The following ANKRD10 variants were observed in gnomAD, a reference collection of about 807,000 sequenced individuals.
The protein encoded by ANKRD10 is ankyrin repeat domain-containing protein 10.
ANKRD10 carries 14 observed loss-of-function variants against 27.0 expected under a neutral mutation model. That is an observed-to-expected ratio of 0.52 (90% CI 0.34 to 0.81). The LOEUF (loss-of-function observed/expected upper bound fraction) is 0.81. Ranked by LOEUF, ANKRD10 falls within the 40% of genes least tolerant of loss-of-function variation. ANKRD10 has a pLI of 0.01. For missense variants in ANKRD10, 493 were observed against 544.0 expected, an observed-to-expected ratio of 0.91 and a Z score of 0.93; for synonymous variants, 250 against 224.5, an observed-to-expected ratio of 1.11 and a Z score of -1.01.
chr13:110,897,321 G>A (rs2065254500), intron 3 of ANKRD10, among the ~76,000 whole-genome samples: 2 of 132,228 alleles, frequency 1.5e-5, no homozygotes, highest in Non-Finnish European at 1.6e-5. Context: ...TTAATTTTGA[G>A]AGATGTTGCT....
chr13:110,904,745 C>T (rs1302017308), intron 3 of ANKRD10, among the ~76,000 whole-genome samples: 1 of 152,164 alleles, frequency 6.6e-6, no homozygotes, highest in African/African-American at 2.4e-5. Context: ...TCTACATTAC[C>T]TTTAGTCACA....
intron 2 of ANKRD10, among the ~76,000 whole-genome samples, chr13:110,910,181 T>C (rs908142460): frequency 6.6e-6 from 1 of 152,234 alleles, no homozygotes; most frequent in East Asian, 1.9e-4. Context: ...TAGTAAATGA[T>C]ACTTAGCACT....
chr13:110,907,634 G>A (rs2065574554), intron 2 of ANKRD10, among the ~76,000 whole-genome samples: 1 of 152,180 alleles, frequency 6.6e-6, no homozygotes, highest in African/African-American at 2.4e-5. Flanking sequence ...ATAAAGCAAT[G>A]TAAAGTTCTA....
intron 3 of ANKRD10, chr13:110,903,688 A>G (rs557231030): frequency 6.5e-6 from 1 of 152,694 alleles, no homozygotes; most frequent in African/African-American, 2.4e-5. Context: ...AAAGCAAAGC[A>G]GGAATTAAGA....
In ANKRD10 at chr13:110,880,210, GTTTC is replaced by G. The variant is rs370233551; in HGVS notation, c.788-102_788-99del. ...GCCATTACAATTTTAAAGAATTTTA[GTTTC>G]TTTTTTTTCCTTTTAAACCAGTTCT... On this transcript the variant is annotated intron_variant, in intron 5 of 5. Transcript: ENST00000267339. The G allele has an allele frequency of 3.3e-4, 354 of 1,083,998 alleles. 1 individual carries two copies. The African/African-American group carries it at 5.0e-3, about 15-fold the overall frequency. 67.1% of individuals were successfully genotyped at this position (1,083,998 alleles called of 1,614,324 possible). A position where few individuals can be genotyped will look rare whatever the true frequency, so the allele number is the denominator to read the frequency against.
In ANKRD10 at chr13:110,879,945, A is replaced by G. The variant is rs2064779676; in HGVS notation, c.955T>C (p.Phe319Leu). 5.0e-6 allele frequency: 8 copies of G among 1,614,196 alleles called. No individual in the cohort carries two copies. The highest frequency in any genetic ancestry group is 2.7e-5 in the African/African-American group (2 of 75,060). Residue 319 changes from phenylalanine (F) to leucine (L), a missense_variant, in exon 6 of 6, where the codon TTT becomes CTT. By Grantham distance (22) the Phe-to-Leu change is conservative. Transcript: ENST00000267339. ...CAGAGAGAACCCTGGCTACTCGGAA[A>G]CGGCTGTCCTGGGGCTAATCCACTG... ...ISSGLAPGQP[F>L]PSSQGSLCIS...
intron 1 of ANKRD10, among the ~76,000 whole-genome samples, chr13:110,913,860 G>C (rs9588297): frequency 0.31 from 46,544 of 152,024 alleles, 7,535 homozygotes; most frequent in African/African-American, 0.4. Flanking sequence ...AGATTTCTGA[G>C]AGCAAGTACC....
chr13:110,900,668 A>C, intron 3 of ANKRD10: 1 of 1,351,958 alleles, frequency 7.4e-7, no homozygotes, highest in Non-Finnish European at 9.8e-7. Flanking sequence ...ATTACTTGAA[A>C]AAATCAAGTC....
intron 4 of ANKRD10, among the ~76,000 whole-genome samples, chr13:110,884,900 C>G (rs1391380435): frequency 1.3e-5 from 2 of 152,052 alleles, no homozygotes; most frequent in Non-Finnish European, 2.9e-5. Flanking sequence ...GTTTTAGAGG[C>G]CCACGAGTCA....
intron 4 of ANKRD10, among the ~76,000 whole-genome samples, chr13:110,892,513 T>C (rs1234215478): frequency 6.7e-6 from 1 of 149,598 alleles, no homozygotes; most frequent in African/African-American, 2.5e-5. Context: ...ACACCAGATC[T>C]TGCTGTGATA....
chr13:110,892,570 G>C (rs2065109685), intron 4 of ANKRD10: 1 of 267,770 alleles, frequency 3.7e-6, no homozygotes, highest in Admixed American at 5.9e-5. Context: ...TCAAATCATA[G>C]TACAGAAATA....
chr13:110,885,534 G>A (rs185271374), intron 4 of ANKRD10, among the ~76,000 whole-genome samples: 6 of 151,830 alleles, frequency 4.0e-5, no homozygotes, highest in Non-Finnish European at 8.8e-5. Flanking sequence ...GTGACAGAGC[G>A]AGACTCCATC....
intron 3 of ANKRD10, chr13:110,899,287 A>G (rs1295278596): frequency 6.6e-6 from 1 of 152,240 alleles, no homozygotes; most frequent in Non-Finnish European, 1.5e-5. Flanking sequence ...GGTAGTAATG[A>G]AAGTGTACAC....
At position 110,880,495 on chromosome 13, in the gene ANKRD10, T is replaced by G. The variant is rs574931796; in HGVS notation, c.788-383A>C. Among the ~76,000 whole-genome samples, 16 of 152,300 alleles carry G rather than the reference T, an allele frequency of 1.1e-4. No homozygotes were observed. In the South Asian group the frequency reaches 3.3e-3, roughly 32 times the overall value. On this transcript the variant is annotated intron_variant, in intron 5 of 5. Transcript: ENST00000267339. ...CGCCCCTGAAAAGGTCCATCAGAAC[T>G]GAGTGTAAAGTGTTCTACAGAGGGT...
At chr13:110,898,750 C>CT (rs56176208) in intron 3 of ANKRD10, among the ~76,000 whole-genome samples, 8,357 of 106,366 alleles carry the variant, frequency 0.079, 380 homozygotes, top group Non-Finnish European at 0.11. Context: ...TTTTTCTTTT[C>CT]TTTTTTTTTT....
intron 1 of ANKRD10, 66 bp downstream of exon 1, chr13:110,914,659 G>C: frequency 6.7e-7 from 1 of 1,503,528 alleles, no homozygotes; most frequent in South Asian, 1.3e-5. Flanking sequence ...CCGCACCTCA[G>C]ACCCGCTTTC....
chr13:110,890,236 T>C (rs1432960457), intron 4 of ANKRD10, among the ~76,000 whole-genome samples: 1 of 152,170 alleles, frequency 6.6e-6, no homozygotes, highest in Non-Finnish European at 1.5e-5. Flanking sequence ...TATATATCTA[T>C]TGAAACCAAG....
chr13:110,905,904 TA>T, intron 3 of ANKRD10, 128 bp downstream of exon 3: 2 of 871,544 alleles, frequency 2.3e-6, no homozygotes, highest in Non-Finnish European at 3.4e-6. Context: ...CCAACTGTTC[TA>T]AAAGGCAAAA....
At chr13:110,910,797 A>G (rs1309151523) in intron 1 of ANKRD10, 27 bp from the exon 2 acceptor site, 1 of 1,606,612 alleles carries the variant, frequency 6.2e-7, no homozygotes, top group Admixed American at 1.7e-5. Context: ...GGTAATGAAA[A>G]CACGCAGACA....
Sources: allele counts gnomAD v4.1 joint callset (sites outside exome capture counted in the v4.1 genomes callset), GRCh38; gene constraint gnomAD v4.1.1; transcripts MANE v1.5; gene names NCBI Gene and HGNC (gene_info 2026-07-23, HGNC 2026-07-21).